DERL2: variants seen among roughly 807,000 people sequenced by gnomAD.
DERL2 encodes derlin 2, also known as derlin-2.
Under a neutral mutation model 32.0 loss-of-function variants are expected in DERL2, and 13 were observed. The ratio of observed to expected loss-of-function variants is 0.41; its 90% CI spans 0.26 to 0.65. The LOEUF is 0.65. Ranked by LOEUF, DERL2 falls within the 30% of genes least tolerant of loss-of-function variation. The pLI is 0.35. For synonymous variants in DERL2, 111 were observed against 104.7 expected, an observed-to-expected ratio of 1.06 and a Z score of -0.37; for missense variants, 208 against 296.3, an observed-to-expected ratio of 0.70 and a Z score of 2.19.
At chr17:5,486,179 G>GCCCCACC (rs769793977), upstream of DERL2, 105 of 1,540,706 alleles carry the variant, frequency 6.8e-5, no homozygotes, top group Middle Eastern at 2.2e-4. Flanking sequence ...ACCGTCGCCT[G>GCCCCACC]CCCCACCCCC....
intron 1 of DERL2, among the ~76,000 whole-genome samples, chr17:5,485,607 G>C (rs1289286028): frequency 6.6e-6 from 1 of 152,172 alleles, no homozygotes. Context: ...TGGAGACCCT[G>C]CCACCGTTAG....
At chr17:5,483,568 C>T (rs946548148) in intron 2 of DERL2, among the ~76,000 whole-genome samples, 4 of 152,156 alleles carry the variant, frequency 2.6e-5, no homozygotes, top group African/African-American at 9.7e-5. Flanking sequence ...TTGTAGAGTG[C>T]TTAACGTTTT....
chr17:5,476,271 A>G (rs1028370248), intron 6 of DERL2, among the ~76,000 whole-genome samples: 1 of 152,244 alleles, frequency 6.6e-6, no homozygotes, highest in Non-Finnish European at 1.5e-5. Flanking sequence ...AGTTGATAAA[A>G]TTAGAAATGT....
chr17:5,482,000 C>T lies in DERL2; in HGVS notation c.234-611G>A, dbSNP rs554121070. 2.6e-5 allele frequency among the ~76,000 whole-genome samples: 4 copies of T among 152,246 alleles called. No individual in the cohort carries two copies. The South Asian group carries it at 8.3e-4, about 32-fold the overall frequency. On this transcript the variant is annotated intron_variant, in intron 3 of 6. Transcript: ENST00000158771. The surrounding 1 kb of genome is among the most constrained non-coding windows in gnomAD (Gnocchi z 4.4). ...TTTGTATTGTCTTTCCTGTGCTCAG[C>T]CACACCTTAATATGCACCATCTTTG...
At chr17:5,484,403 C>T (rs762065213) in intron 2 of DERL2, among the ~76,000 whole-genome samples, 8 of 152,244 alleles carry the variant, frequency 5.3e-5, no homozygotes, top group Non-Finnish European at 1.0e-4. Flanking sequence ...TGTGCCATCA[C>T]GCCTGGCTAA....
Position 5,472,583 on chromosome 17 carries a change from G to A in DERL2, c.*2101C>T, listed in dbSNP as rs1905170539. Reference sequence around the variant, plus strand: ...AAAACCCTGTAACTGCCTGCCTTTAGGCTGTATATTCAAAATGTATTTCCT... The same window carrying A: ...AAAACCCTGTAACTGCCTGCCTTTAAGCTGTATATTCAAAATGTATTTCCT... On this transcript the variant is annotated 3_prime_UTR_variant, in exon 7 of 7. Transcript: ENST00000158771. The A allele has an allele frequency of 6.6e-6, 1 of 152,126 alleles. No homozygotes were observed. Among genetic ancestry groups the A allele is most frequent in the Non-Finnish European group, 1.5e-5 (1 of 68,022 alleles). 9.4% of individuals were successfully genotyped at this position (152,126 alleles called of 1,614,324 possible). A position where few individuals can be genotyped will look rare whatever the true frequency, so the allele number is the denominator to read the frequency against.
intron 6 of DERL2, 84 bp downstream of exon 6, chr17:5,479,970 A>T (rs1905660734): frequency 1.2e-6 from 1 of 813,456 alleles, no homozygotes; most frequent in South Asian, 1.6e-5. Context: ...GTGTACTAGG[A>T]GCTAGGGGAG....
At chr17:5,479,774 A>C (rs1407636160) in intron 6 of DERL2, among the ~76,000 whole-genome samples, 1 of 152,166 alleles carries the variant, frequency 6.6e-6, no homozygotes, top group African/African-American at 2.4e-5. Context: ...TAAAACCAGC[A>C]GGCTCCTACC....
At chr17:5,486,356 G>C (rs1399789006), upstream of DERL2, 5 of 380,102 alleles carry the variant, frequency 1.3e-5, no homozygotes, top group Admixed American at 4.3e-5. Flanking sequence ...CGTCGCCACC[G>C]CCCCCCCCCA....
chr17:5,481,855 G>A lies in DERL2; in HGVS notation c.234-466C>T, dbSNP rs1168496256. ...AGTAGAGAGCAGGTTTCACCATGTT[G>A]GCCAGGCTGGTCTCAAACTCCTGAC... On this transcript the variant is annotated intron_variant, in intron 3 of 6. Transcript: ENST00000158771. This position sits in a 1 kb window ranked among gnomAD's most constrained non-coding sequence, Gnocchi z 4.4. 1.3e-5 allele frequency among the ~76,000 whole-genome samples: 2 copies of A among 152,010 alleles called. No individual in the cohort carries two copies. Among genetic ancestry groups the A allele is most frequent in the Non-Finnish European group, 2.9e-5 (2 of 67,984 alleles).
At position 5,480,097 on chromosome 17, in the gene DERL2, T is replaced by C. The variant is rs1391639407; in HGVS notation, c.571A>G (p.Asn191Asp). ...AGAATTCTTATTCCACCAGGTTGAT[T>C]GGGAAATACATCTTCCAAGAAAAAA... ...IYFFLEDVFP[N>D]QPGGIRILKT... Residue 191 changes from asparagine (N) to aspartate (D), a missense_variant, in exon 6 of 7, where the codon AAT (asparagine) becomes GAT (aspartate). Around this residue, in one of 3 missense-constraint regions of DERL2, gnomAD observed 124 missense variants for 215.3 expected, o/e 0.58. Coordinates refer to ENST00000158771, the MANE Select transcript of DERL2 (RefSeq NM_016041.5). The C allele has an allele frequency of 1.2e-6, 2 of 1,610,814 alleles. No homozygotes were observed. The highest frequency in any genetic ancestry group is 2.2e-5 in the East Asian group (1 of 44,842).
chr17:5,486,201 T>G (rs1250098814), upstream of DERL2: 4 of 1,044,538 alleles, frequency 3.8e-6, no homozygotes, highest in Admixed American at 4.0e-5. Flanking sequence ...ACCCACCCCA[T>G]TTCCCCTTCC....
At chr17:5,475,144 G>A (rs1905302685) in intron 6 of DERL2, among the ~76,000 whole-genome samples, 1 of 151,988 alleles carries the variant, frequency 6.6e-6, no homozygotes, top group South Asian at 2.1e-4. Context: ...CACACTACAT[G>A]TTTTGTAACC....
rs1170757326 is a variant in DERL2 at position 5,472,874 on chromosome 17, T to A, written c.*1810A>T. 6.6e-6 allele frequency: 1 copy of A among 152,162 alleles called. No homozygotes were observed. The highest frequency in any genetic ancestry group is 1.9e-4 in the East Asian group (1 of 5,196). 9.4% of individuals were successfully genotyped at this position (152,162 alleles called of 1,614,324 possible). ...ATAAAACTTAAGAATCCCATAAGGATTATACATGCTAAGATTGGCTTTTAA... is the reference window on the plus strand; with the variant it reads ...ATAAAACTTAAGAATCCCATAAGGAATATACATGCTAAGATTGGCTTTTAA... On this transcript the variant is annotated 3_prime_UTR_variant, in exon 7 of 7. Transcript: ENST00000158771.
intron 3 of DERL2, chr17:5,482,411 A>G (rs1317603834): frequency 1.1e-5 from 2 of 181,512 alleles, no homozygotes; most frequent in Non-Finnish European, 2.3e-5. Context: ...CCAGGACCCA[A>G]GGAGATCTCA....
At position 5,486,137 on chromosome 17, in the gene DERL2, C is replaced by A; in HGVS notation, c.25G>T (p.Glu9Ter). The change falls in exon 1 of 7, where the codon GAG becomes TAG. Residue 9 changes from glutamate to a stop codon, truncating the protein, a stop_gained. Coordinates refer to ENST00000158771, the MANE Select transcript of DERL2 (RefSeq NM_016041.5). LOFTEE classifies it high-confidence loss of function. ...CTGACCGGTGGGATCTGCAGGTACTCCAGCCGCAAGCTCTGGTACGCCATC... is the reference window on the plus strand; with the variant it reads ...CTGACCGGTGGGATCTGCAGGTACTACAGCCGCAAGCTCTGGTACGCCATC... MAYQSLRL[E>*]YLQIPPVSRA... The A allele has an allele frequency of 6.2e-7, 1 of 1,610,170 alleles. No individual in the cohort carries two copies. Among genetic ancestry groups the A allele is most frequent in the South Asian group, 1.1e-5 (1 of 90,804 alleles).
chr17:5,479,523 A>AAAAGAAAG (rs1567611522), intron 6 of DERL2, among the ~76,000 whole-genome samples: 4 of 141,944 alleles, frequency 2.8e-5, no homozygotes, highest in African/African-American at 1.1e-4. Flanking sequence ...AAAAAAAAAA[A>AAAAGAAAG]AAAGAAAGAA....
rs1905280567 is a variant in DERL2 at position 5,474,725 on chromosome 17, C to T, written c.679G>A (p.Gly227Arg). The T allele has an allele frequency of 6.2e-7, 1 of 1,613,868 alleles. No homozygotes were observed. The highest frequency in any genetic ancestry group is 1.1e-5 in the South Asian group (1 of 91,026). ...NYNPLPEERPGGFAWGEGQRL... is the reference protein window; with the variant it reads ...NYNPLPEERPRGFAWGEGQRL... ...TGGCCCTCACCCCAGGCGAAGCCTC[C>T]TGGCCGTTCCTCAGGTAGTGGATTG... The change falls in exon 7 of 7, where the codon GGA (glycine) becomes AGA (arginine). Residue 227 changes from glycine (G) to arginine (R), a missense_variant. Transcript: ENST00000158771. This position sits in a 1 kb window ranked among gnomAD's most constrained non-coding sequence, Gnocchi z 4.3.
upstream of DERL2, chr17:5,486,227 C>A (rs1178529321): frequency 1.6e-6 from 2 of 1,228,234 alleles, no homozygotes; most frequent in African/African-American, 1.6e-5. Flanking sequence ...CAGGCCCCGG[C>A]GGCGGGGCGG....
Sources: gnomAD v4.1 joint callset for allele counts (sites outside exome capture counted in the v4.1 genomes callset) on GRCh38, gnomAD v4.1.1 for gene constraint, gnomAD v4.1.1 regional missense constraint, Gnocchi (gnomAD v3.1) non-coding constraint, MANE v1.5 for transcripts, NCBI Gene and HGNC (gene_info 2026-07-23, HGNC 2026-07-21) for gene names.